Variants in LHFPL3 observed in about 807,000 individuals in gnomAD.
The protein encoded by LHFPL3 is LHFPL tetraspan subfamily member 3 protein.
In LHFPL3, 5 loss-of-function variants were observed where a neutral mutation model predicts 19.3. That is an observed-to-expected ratio of 0.26 (90% CI 0.14 to 0.54). The LOEUF (loss-of-function observed/expected upper bound fraction) is 0.54. Ranked by LOEUF, LHFPL3 falls within the 20% of genes least tolerant of loss-of-function variation. The probability of loss-of-function intolerance (pLI) is 0.94; values close to 1 mark genes in which losing one functional copy is unlikely to be tolerated. For missense variants in LHFPL3, 249 were observed against 307.4 expected, an observed-to-expected ratio of 0.81 and a Z score of 1.42; for synonymous variants, 133 against 126.2, an observed-to-expected ratio of 1.05 and a Z score of -0.36.
chr7:104,390,253 A>G (rs1415294131), intron 1 of LHFPL3, among the ~76,000 whole-genome samples: 1 of 152,056 alleles, frequency 6.6e-6, no homozygotes, highest in East Asian at 1.9e-4. Context: ...TTTCTTACAT[A>G]TGTATACATG....
chr7:104,364,085 A>G (rs762588309), intron 1 of LHFPL3, among the ~76,000 whole-genome samples: 2 of 152,216 alleles, frequency 1.3e-5, no homozygotes, highest in South Asian at 2.1e-4. Context: ...AGTGCTCTGT[A>G]AAGATTTCCA....
At chr7:104,614,882 C>G (rs765568806) in intron 1 of LHFPL3, among the ~76,000 whole-genome samples, 3 of 151,726 alleles carry the variant, frequency 2.0e-5, no homozygotes, top group Non-Finnish European at 4.4e-5. Flanking sequence ...TCCCAAGTAG[C>G]TGGGACCACA....
chr7:104,684,776 G>T (rs745862688), intron 1 of LHFPL3, among the ~76,000 whole-genome samples: 1 of 152,184 alleles, frequency 6.6e-6, no homozygotes, highest in Non-Finnish European at 1.5e-5. Context: ...TTCCCTGCCA[G>T]GACCAGCCCA....
At chr7:104,393,822 T>C (rs1791128843) in intron 1 of LHFPL3, among the ~76,000 whole-genome samples, 1 of 152,214 alleles carries the variant, frequency 6.6e-6, no homozygotes, top group African/African-American at 2.4e-5. Context: ...TTGAAAATAT[T>C]GTGCTGAGTG....
chr7:104,822,738 A>T (rs1158563403), intron 2 of LHFPL3, among the ~76,000 whole-genome samples: 1 of 152,070 alleles, frequency 6.6e-6, no homozygotes, highest in Non-Finnish European at 1.5e-5. Flanking sequence ...TCTGACACGG[A>T]GCTATGGTTC....
chr7:104,651,410 A>T lies in LHFPL3; in HGVS notation c.446-85265A>T, dbSNP rs1403869746. Among the ~76,000 whole-genome samples, 5 of 152,232 alleles carry T rather than the reference A, an allele frequency of 3.3e-5. No homozygotes were observed. In the South Asian group the frequency reaches 6.2e-4, roughly 19 times the overall value. On this transcript the variant is annotated intron_variant, in intron 1 of 2. Coordinates refer to ENST00000424859, the MANE Select transcript of LHFPL3 (RefSeq NM_199000.3). ...GTGCTCGAAGGATTAACGATCCCTG[A>T]GGAAATATGTTTGTGCGCAGCCCTG...
chr7:104,786,733 A>T (rs971625542), intron 2 of LHFPL3, among the ~76,000 whole-genome samples: 1 of 129,368 alleles, frequency 7.7e-6, no homozygotes, highest in Non-Finnish European at 1.7e-5. Flanking sequence ...TGCTATATAA[A>T]ACTTGAAAAA....
intron 1 of LHFPL3, among the ~76,000 whole-genome samples, chr7:104,557,646 A>G (rs1006114744): frequency 1.3e-5 from 2 of 151,764 alleles, no homozygotes; most frequent in African/African-American, 4.8e-5. Flanking sequence ...GGAGACTTTA[A>G]TCTGTTTTTT....
At chr7:104,744,728 G>C (rs961903465) in intron 2 of LHFPL3, among the ~76,000 whole-genome samples, 11 of 152,080 alleles carry the variant, frequency 7.2e-5, no homozygotes, top group African/African-American at 2.7e-4. Context: ...ATATTGACCT[G>C]TCAGTAGCCT....
At chr7:104,710,095 C>G (rs990898789) in intron 1 of LHFPL3, among the ~76,000 whole-genome samples, 2 of 152,342 alleles carry the variant, frequency 1.3e-5, no homozygotes, top group African/African-American at 4.8e-5. Flanking sequence ...CCGAGGCAGG[C>G]AGATCACTCG....
intron 1 of LHFPL3, among the ~76,000 whole-genome samples, chr7:104,605,160 T>A (rs7801040): frequency 0.92 from 139,833 of 152,214 alleles, 64,555 homozygotes; most frequent in East Asian, 0.99. Context: ...CCACGGGAAA[T>A]ATTTTACACT....
chr7:104,893,044 GA>G (rs954348464), intron 2 of LHFPL3, among the ~76,000 whole-genome samples: 36 of 150,152 alleles, frequency 2.4e-4, no homozygotes, highest in African/African-American at 8.5e-4. Flanking sequence ...TATCTCTACA[GA>G]AAAAAAAATG....
At chr7:104,751,007 A>C (rs1794158569) in intron 2 of LHFPL3, among the ~76,000 whole-genome samples, 1 of 151,608 alleles carries the variant, frequency 6.6e-6, no homozygotes, top group Non-Finnish European at 1.5e-5. Flanking sequence ...AGACTGGGCA[A>C]TTCTTTTTTA....
At chr7:104,557,863 A>G (rs200014434) in intron 1 of LHFPL3, among the ~76,000 whole-genome samples, 1 of 148,144 alleles carries the variant, frequency 6.8e-6, no homozygotes, top group East Asian at 2.0e-4. Flanking sequence ...AGAGTGTGAT[A>G]TTCCCCTTCC....
At chr7:104,755,685 T>C (rs965976402) in intron 2 of LHFPL3, among the ~76,000 whole-genome samples, 29 of 151,888 alleles carry the variant, frequency 1.9e-4, no homozygotes, top group African/African-American at 6.3e-4. Context: ...TTGTTGTTTG[T>C]TTCTTTGTTT....
chr7:104,621,286 C>T (rs919673663), intron 1 of LHFPL3, among the ~76,000 whole-genome samples: 2 of 152,166 alleles, frequency 1.3e-5, no homozygotes, highest in African/African-American at 4.8e-5. Context: ...TATAGAAAAT[C>T]CTAACATTCT....
intron 1 of LHFPL3, among the ~76,000 whole-genome samples, chr7:104,589,471 C>T (rs1204639304): frequency 6.6e-6 from 1 of 152,154 alleles, no homozygotes; most frequent in Non-Finnish European, 1.5e-5. Flanking sequence ...CCAACTTGAT[C>T]GTGGTGGATA....
chr7:104,757,511 AC>A (rs1397966684), intron 2 of LHFPL3: 1 of 152,122 alleles, frequency 6.6e-6, no homozygotes, highest in African/African-American at 2.4e-5. Context: ...AACTCAACAA[AC>A]AAAAAACAAA....
intron 1 of LHFPL3, among the ~76,000 whole-genome samples, chr7:104,419,747 T>G (rs1791690013): frequency 6.6e-6 from 1 of 152,116 alleles, no homozygotes; most frequent in Admixed American, 6.6e-5. Context: ...ATTGGACGTA[T>G]GGTTTAGGTG....
Sources: gnomAD v4.1 joint callset for allele counts (sites outside exome capture counted in the v4.1 genomes callset) on GRCh38, gnomAD v4.1.1 for gene constraint, MANE v1.5 for transcripts, NCBI Gene and HGNC (gene_info 2026-07-23, HGNC 2026-07-21) for gene names.